Variants in ENTPD7 observed in about 807,000 individuals in gnomAD.
ENTPD7 encodes NTPDase 7.
A neutral mutation model predicts 77.9 loss-of-function variants in ENTPD7; 53 were observed. That is an observed-to-expected ratio of 0.68 (90% confidence interval 0.55 to 0.85). The LOEUF (loss-of-function observed/expected upper bound fraction) is 0.85, where lower values mean the gene tolerates loss of function less well. ENTPD7 is among the 40% of genes least tolerant of loss of function. ENTPD7 has a pLI of 0.00. For missense variants in ENTPD7, 636 were observed against 743.7 expected (o/e 0.86, Z 1.68); for synonymous variants, 248 against 274.9 (o/e 0.90, Z 0.97).
Position 99,698,860 on chromosome 10 carries a change from T to C in ENTPD7, c.1335+2T>C, listed in dbSNP as rs1156890286. Reference sequence around the variant, plus strand: ...CCAACATTTGCCAAGGCTGCTCAGGTAAATTATTAATGATAAACATGGCTT... The same window carrying C: ...CCAACATTTGCCAAGGCTGCTCAGGCAAATTATTAATGATAAACATGGCTT... On this transcript the variant is annotated splice_donor_variant, in intron 10 of 12. Transcript: ENST00000370489. LOFTEE classifies it high-confidence loss of function. 1 of 1,586,050 alleles carries C rather than the reference T, an allele frequency of 6.3e-7. No individual in the cohort carries two copies. Among genetic ancestry groups the C allele is most frequent in the East Asian group, 2.2e-5 (1 of 44,616 alleles).
rs117821206 is a variant in ENTPD7, at chr10:99,666,498, C to G, written c.191+4870C>G. ...TGCTGGGGTTACAGGCATGAGCCAT[C>G]GTGCCCAGCCAGAACTGCTTCTTAA... On this transcript the variant is annotated intron_variant, in intron 3 of 12. Coordinates refer to ENST00000370489, the MANE Select transcript of ENTPD7 (RefSeq NM_020354.5). Among the ~76,000 whole-genome samples the G allele has an allele frequency of 1.9e-3, 293 of 152,292 alleles. 1 individual carries two copies. The highest frequency in any genetic ancestry group is 2.9e-3 in the Non-Finnish European group (197 of 68,022).
At chr10:99,671,078 C>A (rs1474700436) in intron 3 of ENTPD7, among the ~76,000 whole-genome samples, 2 of 151,966 alleles carry the variant, frequency 1.3e-5, no homozygotes, top group African/African-American at 4.8e-5. Flanking sequence ...CACTTACCAT[C>A]AATGGAGCTC....
intron 3 of ENTPD7, among the ~76,000 whole-genome samples, chr10:99,673,761 G>A (rs895899443): frequency 2.0e-5 from 3 of 152,216 alleles, no homozygotes; most frequent in Non-Finnish European, 2.9e-5. Flanking sequence ...CTAAGAAAGA[G>A]ACCAGTTGAT....
chr10:99,688,367 G>T (rs1213409574), intron 6 of ENTPD7, among the ~76,000 whole-genome samples: 3 of 152,150 alleles, frequency 2.0e-5, no homozygotes, highest in Non-Finnish European at 4.4e-5. Context: ...ATTCAGTGGG[G>T]AGACAAGATT....
intron 3 of ENTPD7, among the ~76,000 whole-genome samples, chr10:99,672,046 T>C (rs1377306039): frequency 6.6e-6 from 1 of 152,204 alleles, no homozygotes; most frequent in Non-Finnish European, 1.5e-5. Context: ...TGAAAGCATT[T>C]ATTCACGTTT....
At chr10:99,676,153 C>A (rs928269161) in intron 3 of ENTPD7, among the ~76,000 whole-genome samples, 5 of 151,880 alleles carry the variant, frequency 3.3e-5, no homozygotes, top group African/African-American at 9.7e-5. Flanking sequence ...AGTTTGGCTA[C>A]TAAAGATATT....
At chr10:99,698,497 G>A (rs904501165) in intron 9 of ENTPD7, 37 bp from the exon 10 acceptor site, 40 of 1,563,358 alleles carry the variant, frequency 2.6e-5, no homozygotes, top group Middle Eastern at 3.4e-4. Flanking sequence ...CAGGCATGAC[G>A]TGTTTGTTTG....
rs947183944 is a variant in ENTPD7 at position 99,708,326 on chromosome 10, T to C, written c.*3643T>C. Reference sequence around the variant, plus strand: ...AAATAATTTATACTTCTCACTGATATCATCTAAACAGATGCTTCTCACAGT... The same window carrying C: ...AAATAATTTATACTTCTCACTGATACCATCTAAACAGATGCTTCTCACAGT... On this transcript the variant is annotated 3_prime_UTR_variant, in exon 13 of 13. Transcript: ENST00000370489. Among the ~76,000 whole-genome samples, 2 of 152,216 alleles carry C rather than the reference T, an allele frequency of 1.3e-5. No individual in the cohort carries two copies. The highest frequency in any genetic ancestry group is 2.9e-5 in the Non-Finnish European group (2 of 68,042).
At chr10:99,694,511 C>T (rs1240851664) in intron 8 of ENTPD7, among the ~76,000 whole-genome samples, 1 of 149,170 alleles carries the variant, frequency 6.7e-6, no homozygotes, top group African/African-American at 2.5e-5. Flanking sequence ...TTCATATACA[C>T]ATTTTTCTAT....
chr10:99,660,093 T>C (rs1352646580), intron 2 of ENTPD7, 129 bp downstream of exon 2: 16 of 1,407,130 alleles, frequency 1.1e-5, no homozygotes, highest in African/African-American at 8.6e-5. Context: ...TTCTGGTTAG[T>C]TGGATGCAGA....
chr10:99,697,082 G>T (rs946238438), intron 9 of ENTPD7, among the ~76,000 whole-genome samples: 2 of 152,190 alleles, frequency 1.3e-5, no homozygotes, highest in African/African-American at 4.8e-5. Context: ...TTTATCCACA[G>T]CAATCAATTA....
Position 99,659,612 on chromosome 10 carries a change from G to A in ENTPD7, c.-96+24G>A, listed in dbSNP as rs1229089881. ...CCGTGAGTGTGGGCGCGAGAGGGCT[G>A]TGGGACCCGGAGGGACGGGGAGAGG... is the stretch of plus-strand genomic sequence containing the variant. On this transcript the variant is annotated intron_variant, in intron 1 of 12. Coordinates refer to ENST00000370489, the MANE Select transcript of ENTPD7 (RefSeq NM_020354.5). The surrounding 1 kb of genome is among the most constrained non-coding windows in gnomAD (Gnocchi z 4.1). 2.9e-4 allele frequency: 63 copies of A among 218,604 alleles called. No individual in the cohort carries two copies. The highest frequency in any genetic ancestry group is 9.1e-5 in the Non-Finnish European group (10 of 109,800). The allele number at this position is 218,604 out of a possible 1,614,324, so 13.5% of individuals were successfully genotyped here. A position where few individuals can be genotyped will look rare whatever the true frequency, so the allele number is the denominator to read the frequency against.
rs2036271513 is a variant in ENTPD7 at position 99,707,259 on chromosome 10, C to A, written c.*2576C>A. Among the ~76,000 whole-genome samples, 1 of 152,034 alleles carries A rather than the reference C, an allele frequency of 6.6e-6. No homozygotes were observed. ...CCATGAGCAAGGTCTCCAGGAGTTC[C>A]ACAGTACTGAAGGAAAATTTTGTCA... is the stretch of plus-strand genomic sequence containing the variant. On this transcript the variant is annotated 3_prime_UTR_variant, in exon 13 of 13. Coordinates refer to ENST00000370489, the MANE Select transcript of ENTPD7 (RefSeq NM_020354.5).
At position 99,702,576 on chromosome 10, in the gene ENTPD7, G is replaced by C. The variant is rs760293342; in HGVS notation, c.1486G>C (p.Asp496His). 11 of 1,613,098 alleles carry C rather than the reference G, an allele frequency of 6.8e-6. 1 individual carries two copies. Among genetic ancestry groups the C allele is most frequent in the Middle Eastern group, 1.7e-4 (1 of 6,060 alleles). Residue 496 changes from aspartate to histidine, a missense_variant, in exon 12 of 13, where the codon GAC becomes CAC. Asp to His is a moderately conservative substitution (Grantham distance 81, BLOSUM62 -1). Coordinates refer to ENST00000370489, the MANE Select transcript of ENTPD7 (RefSeq NM_020354.5). ...ACATGAAGGATTCCACTTTCCCTATGACTACCCAAACCTGCGGACAGCCCA... is the reference window on the plus strand; with the variant it reads ...ACATGAAGGATTCCACTTTCCCTATCACTACCCAAACCTGCGGACAGCCCA... Reference protein sequence around the residue: ...VLHEGFHFPYDYPNLRTAQLV... With the variant: ...VLHEGFHFPYHYPNLRTAQLV...
At chr10:99,660,623 C>T (rs943201324) in intron 2 of ENTPD7, 32 of 227,388 alleles carry the variant, frequency 1.4e-4, no homozygotes, top group Non-Finnish European at 2.8e-5. Context: ...TAGAATATCC[C>T]TGGAAAGATA....
chr10:99,695,349 C>CCGT (rs914368261), intron 8 of ENTPD7, among the ~76,000 whole-genome samples: 4 of 151,950 alleles, frequency 2.6e-5, no homozygotes, highest in African/African-American at 9.7e-5. Flanking sequence ...ATGGTGAAAC[C>CCGT]CGTCTCCACT....
chr10:99,679,934 T>C (rs928411539), intron 5 of ENTPD7, 59 bp downstream of exon 5: 2 of 1,560,930 alleles, frequency 1.3e-6, no homozygotes, highest in Non-Finnish European at 1.7e-6. Context: ...GAAAGGCCAG[T>C]TTCATGCACT....
intron 3 of ENTPD7, among the ~76,000 whole-genome samples, chr10:99,667,887 T>C (rs901949497): frequency 2.6e-5 from 4 of 152,116 alleles, no homozygotes; most frequent in Non-Finnish European, 4.4e-5. Context: ...TTAAAACTGT[T>C]TTATTACATA....
At chr10:99,668,658 C>G (rs1193940801) in intron 3 of ENTPD7, among the ~76,000 whole-genome samples, 1 of 152,122 alleles carries the variant, frequency 6.6e-6, no homozygotes, top group East Asian at 1.9e-4. Context: ...TTTTCCAATT[C>G]TCTTCTCTGC....
Sources: gnomAD v4.1 joint callset for allele counts (sites outside exome capture counted in the v4.1 genomes callset) on GRCh38, gnomAD v4.1.1 for gene constraint, Gnocchi (gnomAD v3.1) non-coding constraint, MANE v1.5 for transcripts, NCBI Gene and HGNC (gene_info 2026-07-23, HGNC 2026-07-21) for gene names.